Variants in SLC45A4 observed in about 807,000 individuals in gnomAD.
SLC45A4 encodes solute carrier family 45 member 4.
Under a neutral mutation model 63.7 loss-of-function variants are expected in SLC45A4, and 32 were observed. That is an observed-to-expected ratio of 0.50 (90% CI 0.38 to 0.67). The LOEUF is 0.67. Among genes scored for constraint, SLC45A4 ranks in the 30% least tolerant of loss-of-function variants. SLC45A4 has a pLI of 0.00. For synonymous variants in SLC45A4, 535 were observed against 510.0 expected, an observed-to-expected ratio of 1.05 and a Z score of -0.66; for missense variants, 1,027 against 1,157.7, an observed-to-expected ratio of 0.89 and a Z score of 1.64.
At chr8:141,237,104 T>C (rs1827666670) in intron 2 of SLC45A4, among the ~76,000 whole-genome samples, 1 of 152,244 alleles carries the variant, frequency 6.6e-6, no homozygotes, top group African/African-American at 2.4e-5. Flanking sequence ...ATTATAGCGA[T>C]CTAGTAAGTT....
chr8:141,208,868 T>A lies in SLC45A4; in HGVS notation c.*2704A>T, dbSNP rs900013213. The A allele has an allele frequency of 6.6e-6, 1 of 152,298 alleles. No individual in the cohort carries two copies. Among genetic ancestry groups the A allele is most frequent in the African/African-American group, 2.4e-5 (1 of 41,440 alleles). The allele number at this position is 152,298 out of a possible 1,614,324, so 9.4% of individuals were successfully genotyped here. On this transcript the variant is annotated 3_prime_UTR_variant, in exon 9 of 9. Coordinates refer to ENST00000517878, the MANE Select transcript of SLC45A4 (RefSeq NM_001286646.2). ...AAAGAGTCTTTACTTAGCTGACTTG[T>A]ATAGGGAACAAAACCACCACAAATG...
intron 1 of SLC45A4, among the ~76,000 whole-genome samples, chr8:141,291,336 C>T (rs1000122640): frequency 1.3e-5 from 2 of 152,176 alleles, no homozygotes; most frequent in African/African-American, 2.4e-5. Flanking sequence ...GACACACACG[C>T]GTTCATCTAA....
Position 141,232,046 on chromosome 8 carries a change from G to A in SLC45A4, c.242-10281C>T, listed in dbSNP as rs143715464. Among the ~76,000 whole-genome samples, 145 of 152,364 alleles carry A rather than the reference G, an allele frequency of 9.5e-4. 1 individual carries two copies. Among genetic ancestry groups the A allele is most frequent in the African/African-American group, 3.5e-3 (144 of 41,582 alleles). On this transcript the variant is annotated intron_variant, in intron 2 of 8. Transcript: ENST00000517878. The stretch of plus-strand genomic sequence containing the variant: ...ATTCCAGTGGGGCCAGGCCCCACAC[G>A]CCAAGTGCCCGACTCAGGCTCTGCA...
intron 1 of SLC45A4, among the ~76,000 whole-genome samples, chr8:141,258,678 T>C (rs1443557594): frequency 1.3e-5 from 2 of 151,976 alleles, no homozygotes; most frequent in Middle Eastern, 3.4e-3. Context: ...AGCCCAGGAG[T>C]TGAAGACCAG....
At chr8:141,212,026 T>TA (rs952411098) in intron 8 of SLC45A4, 171 bp downstream of exon 8, 2 of 1,339,342 alleles carry the variant, frequency 1.5e-6, no homozygotes, top group African/African-American at 3.0e-5. Flanking sequence ...ACCCTACGAC[T>TA]ACTGAATTGT....
At chr8:141,212,857 C>T (rs1398421915) in intron 7 of SLC45A4, among the ~76,000 whole-genome samples, 1 of 152,194 alleles carries the variant, frequency 6.6e-6, no homozygotes, top group Non-Finnish European at 1.5e-5. Context: ...GGTGGCAGGG[C>T]CAGGCTCCAC....
chr8:141,294,733 CAA>C (rs1830480780), intron 1 of SLC45A4, among the ~76,000 whole-genome samples: 1 of 152,242 alleles, frequency 6.6e-6, no homozygotes. Context: ...GAGGGCAGCA[CAA>C]GAGAGGGGAG....
At chr8:141,248,919 A>G (rs920980135) in intron 2 of SLC45A4, among the ~76,000 whole-genome samples, 45 of 148,640 alleles carry the variant, frequency 3.0e-4, no homozygotes, top group Non-Finnish European at 3.3e-4. Flanking sequence ...TGGGAGGCTG[A>G]GGTGGGAGAA....
chr8:141,261,177 C>G (rs910559450), intron 1 of SLC45A4, among the ~76,000 whole-genome samples: 12 of 152,254 alleles, frequency 7.9e-5, no homozygotes, highest in Admixed American at 2.0e-4. Context: ...ATTCAACAAC[C>G]CTTCATGCTA....
At chr8:141,211,837 T>G in intron 8 of SLC45A4, 140 bp from the exon 9 acceptor site, 1 of 1,305,858 alleles carries the variant, frequency 7.7e-7, no homozygotes, top group Non-Finnish European at 9.8e-7. Flanking sequence ...TTATTTTTTC[T>G]AAGTTGCTTA....
rs1451529639 is a variant in SLC45A4, at chr8:141,219,692, C to T, written c.568G>A (p.Glu190Lys). 5.6e-6 allele frequency: 9 copies of T among 1,612,712 alleles called. No individual in the cohort carries two copies. Among genetic ancestry groups the T allele is most frequent in the Admixed American group, 1.7e-5 (1 of 59,940 alleles). The change falls in exon 4 of 9, where the codon GAG (glutamate) becomes AAG (lysine). Residue 190 changes from glutamate (E) to lysine (K), a missense_variant. By Grantham distance (56) the Glu-to-Lys change is moderately conservative. Transcript: ENST00000517878. ...RAYLLDVVDS[E>K]EQDMALNIHA... ...ATGTTGAGGGCCATGTCCTGCTCCT[C>T]GCTGTCCACCACGTCCAGCAGATAG... is the stretch of plus-strand genomic sequence containing the variant.
chr8:141,275,299 G>C (rs1307154903), intron 1 of SLC45A4, among the ~76,000 whole-genome samples: 1 of 152,136 alleles, frequency 6.6e-6, no homozygotes, highest in Non-Finnish European at 1.5e-5. Context: ...ATCTCCTAGG[G>C]AATTAATTGG....
In SLC45A4 at chr8:141,229,974, G is replaced by A. The variant is rs376719743; in HGVS notation, c.242-8209C>T. 11 of 443,228 alleles carry A rather than the reference G, an allele frequency of 2.5e-5. No homozygotes were observed. Among genetic ancestry groups the A allele is most frequent in the Non-Finnish European group, 3.6e-5 (8 of 219,422 alleles). The allele number at this position is 443,228 out of a possible 1,614,324, so 27.5% of individuals were successfully genotyped here. On this transcript the variant is annotated intron_variant, in intron 2 of 8. Transcript: ENST00000517878. The surrounding 1 kb of genome is among the most constrained non-coding windows in gnomAD (Gnocchi z 5.0). ...GATCCCTGCCTGCACTCCCGAGGCCGTGGTGCTCTGATGACATCCATGGGC... is the reference window on the plus strand; with the variant it reads ...GATCCCTGCCTGCACTCCCGAGGCCATGGTGCTCTGATGACATCCATGGGC...
rs1318896291 is a variant in SLC45A4 at position 141,210,850 on chromosome 8, T to C, written c.*722A>G. On this transcript the variant is annotated 3_prime_UTR_variant, in exon 9 of 9. Transcript: ENST00000517878. ...ATCTCAGTAAGCCTACACCGACCGT[T>C]TCAAATAGGCTTAGTTCTAAAGAGA... 3 of 152,212 alleles carry C rather than the reference T, an allele frequency of 2.0e-5. No individual in the cohort carries two copies. Among genetic ancestry groups the C allele is most frequent in the Admixed American group, 6.5e-5 (1 of 15,268 alleles). The allele number at this position is 152,212 out of a possible 1,614,324, so 9.4% of individuals were successfully genotyped here.
chr8:141,261,548 G>C (rs984923224), intron 1 of SLC45A4, among the ~76,000 whole-genome samples: 1,939 of 152,124 alleles, frequency 0.013, 45 homozygotes, highest in African/African-American at 0.042. Context: ...AATCAATGTA[G>C]AAAAATCACA....
At chr8:141,252,888 C>T (rs1262910915) in intron 2 of SLC45A4, among the ~76,000 whole-genome samples, 1 of 151,730 alleles carries the variant, frequency 6.6e-6, no homozygotes, top group Non-Finnish European at 1.5e-5. Context: ...TTCATATCCA[C>T]CTGTGTGTCT....
At position 141,212,214 on chromosome 8, in the gene SLC45A4, C is replaced by T; in HGVS notation, c.2284G>A (p.Val762Met). The T allele has an allele frequency of 3.3e-6, 5 of 1,520,594 alleles. No individual in the cohort carries two copies. Among genetic ancestry groups the T allele is most frequent in the Non-Finnish European group, 2.7e-6 (3 of 1,129,994 alleles). 94.2% of individuals were successfully genotyped at this position (1,520,594 alleles called of 1,614,324 possible). A position where few individuals can be genotyped will look rare whatever the true frequency, so the allele number is the denominator to read the frequency against. ...GCTCAGACCACGGACTCTGTCTCCA[C>T]CGGTCCCTGCAGGCCCTCCTTCCGC... The part of the protein sequence containing the change: ...LTRKEGLQGP[V>M]ETESVTPAGI... The change falls in exon 8 of 9, where the codon GTG becomes ATG. Residue 762 changes from valine (V) to methionine (M), a missense_variant. Physicochemically the swap from Val to Met is conservative, Grantham distance 21. Transcript: ENST00000517878.
intron 8 of SLC45A4, chr8:141,211,911 G>T (rs1050995385): frequency 8.0e-7 from 1 of 1,244,720 alleles, no homozygotes; most frequent in Admixed American, 3.9e-5. Flanking sequence ...CAGAATAAAA[G>T]AGCTGAAATT....
chr8:141,263,553 G>A (rs1220669722), intron 1 of SLC45A4, among the ~76,000 whole-genome samples: 1 of 151,402 alleles, frequency 6.6e-6, no homozygotes, highest in Admixed American at 6.6e-5. Context: ...AGATCACGAC[G>A]TCAGATCAAG....
Sources: allele counts gnomAD v4.1 joint callset (sites outside exome capture counted in the v4.1 genomes callset), GRCh38; gene constraint gnomAD v4.1.1; non-coding constraint Gnocchi (gnomAD v3.1); transcripts MANE v1.5; gene names NCBI Gene and HGNC (gene_info 2026-07-23, HGNC 2026-07-21).